Variants in PCDH15 observed in about 807,000 individuals in gnomAD.
The protein encoded by PCDH15 is protocadherin related 15, also known as protocadherin-15.
In PCDH15, 129 loss-of-function variants were observed where a neutral mutation model predicts 178.5. The ratio of observed to expected loss-of-function variants is 0.72; its 90% confidence interval spans 0.63 to 0.84. The LOEUF is 0.84. Ranked by LOEUF, PCDH15 falls within the 40% of genes least tolerant of loss-of-function variation. The pLI, the probability that PCDH15 is intolerant of heterozygous loss-of-function variation, is 0.00. For missense variants in PCDH15, 2,230 were observed against 2,099.9 expected (o/e 1.06, Z -1.21); for synonymous variants, 800 against 732.0 (o/e 1.09, Z -1.50).
intron 1 of PCDH15, among the ~76,000 whole-genome samples, chr10:55,230,076 G>A (rs1007764813): frequency 1.1e-4 from 16 of 152,076 alleles, no homozygotes; most frequent in South Asian, 6.2e-4. Flanking sequence ...TAGCATAGTG[G>A]AGCTAAGTAT....
chr10:54,607,851 T>C (rs1045811087), intron 2 of PCDH15: 4 of 528,786 alleles, frequency 7.6e-6, no homozygotes, highest in South Asian at 2.8e-5. Context: ...AGGCCTACTG[T>C]GAGCAAGACA....
At chr10:55,205,076 C>A (rs1247489718) in intron 1 of PCDH15, among the ~76,000 whole-genome samples, 1 of 151,850 alleles carries the variant, frequency 6.6e-6, no homozygotes, top group African/African-American at 2.4e-5. Context: ...ATCTTACTTC[C>A]AAGCAAGCCA....
chr10:55,158,590 G>C (rs747535941), intron 2 of PCDH15, among the ~76,000 whole-genome samples: 1 of 86,340 alleles, frequency 1.2e-5, no homozygotes, highest in Non-Finnish European at 2.8e-5. Context: ...TAACTGACAG[G>C]CTTTCAGAGG....
intron 2 of PCDH15, among the ~76,000 whole-genome samples, chr10:55,456,220 T>A (rs1028339621): frequency 6.6e-6 from 1 of 152,046 alleles, no homozygotes; most frequent in Non-Finnish European, 1.5e-5. Flanking sequence ...ATGACGTGTG[T>A]GCTTATAAGT....
chr10:54,392,814 G>A (rs919449639), intron 3 of PCDH15, among the ~76,000 whole-genome samples: 2 of 150,470 alleles, frequency 1.3e-5, no homozygotes, highest in East Asian at 2.0e-4. Flanking sequence ...CAGAAAAATC[G>A]CTTGAACCCT....
chr10:54,307,030 G>A (rs12770548), intron 8 of PCDH15, among the ~76,000 whole-genome samples: 7,232 of 26,986 alleles, frequency 0.27, 718 homozygotes, highest in African/African-American at 0.32. Context: ...ATATATATAT[G>A]TGTGTGTGTG....
At chr10:55,104,842 CATG>C (rs1842640968) in intron 2 of PCDH15, among the ~76,000 whole-genome samples, 1 of 152,166 alleles carries the variant, frequency 6.6e-6, no homozygotes, top group African/African-American at 2.4e-5. Context: ...CTGCACTAAA[CATG>C]ATGAACAATA....
intron 2 of PCDH15, among the ~76,000 whole-genome samples, chr10:55,067,668 T>C (rs1227197857): frequency 6.7e-6 from 1 of 150,022 alleles, no homozygotes; most frequent in African/African-American, 2.5e-5. Context: ...ACTTCCATGC[T>C]GCTTTCTATG....
intron 2 of PCDH15, among the ~76,000 whole-genome samples, chr10:55,093,675 C>A (rs1842373509): frequency 6.6e-6 from 1 of 151,868 alleles, no homozygotes; most frequent in Admixed American, 6.6e-5. Flanking sequence ...AGAAGGGATC[C>A]AGTTTCAACA....
chr10:55,366,676 G>A (rs1845368821), intron 2 of PCDH15, among the ~76,000 whole-genome samples: 2 of 152,226 alleles, frequency 1.3e-5, no homozygotes, highest in Admixed American at 6.5e-5. Flanking sequence ...TGTTCACTAA[G>A]TTCTGACAAA....
At chr10:53,943,662 C>T (rs541608259) in intron 23 of PCDH15, among the ~76,000 whole-genome samples, 7 of 152,052 alleles carry the variant, frequency 4.6e-5, no homozygotes, top group Non-Finnish European at 1.0e-4. Context: ...CTATGCATAC[C>T]ACTAAAAGCA....
At chr10:54,242,187 T>TATATATAC (rs1554854543) in intron 8 of PCDH15, among the ~76,000 whole-genome samples, 1 of 76,800 alleles carries the variant, frequency 1.3e-5, no homozygotes, top group Non-Finnish European at 2.5e-5. Flanking sequence ...TATATATATA[T>TATATATAC]ACACACACAC....
At chr10:55,279,257 T>C (rs1177200246) in intron 1 of PCDH15, among the ~76,000 whole-genome samples, 1 of 152,160 alleles carries the variant, frequency 6.6e-6, no homozygotes, top group Non-Finnish European at 1.5e-5. Context: ...CTAATTGATA[T>C]GCGATCTCTG....
At chr10:54,620,705 G>C (rs1221283250) in intron 2 of PCDH15, among the ~76,000 whole-genome samples, 1 of 151,944 alleles carries the variant, frequency 6.6e-6, no homozygotes, top group East Asian at 1.9e-4. Context: ...AACTTTTACT[G>C]TAAAACTCTA....
intron 37 of PCDH15, chr10:53,808,399 C>T (rs2075737717): frequency 9.3e-7 from 1 of 1,080,752 alleles, no homozygotes; most frequent in Non-Finnish European, 1.1e-6. Context: ...TACATAATGC[C>T]ACATTGCATT....
chr10:54,330,106 A>G (rs926554352), intron 6 of PCDH15, among the ~76,000 whole-genome samples: 2 of 151,916 alleles, frequency 1.3e-5, no homozygotes, highest in Admixed American at 1.3e-4. Flanking sequence ...CATAGTATCA[A>G]TTGTCAACAT....
chr10:55,104,412 T>G (rs962724605), intron 2 of PCDH15, among the ~76,000 whole-genome samples: 27 of 152,262 alleles, frequency 1.8e-4, no homozygotes, highest in Non-Finnish European at 3.2e-4. Flanking sequence ...TTCTCAAGCT[T>G]TAGATTTTTC....
intron 2 of PCDH15, among the ~76,000 whole-genome samples, chr10:54,556,588 T>C (rs1229831435): frequency 1.3e-5 from 2 of 152,082 alleles, no homozygotes; most frequent in Admixed American, 6.6e-5. Flanking sequence ...CTTTTTTTTT[T>C]TCTAAAACTG....
intron 10 of PCDH15, among the ~76,000 whole-genome samples, chr10:54,199,712 C>T (rs893626426): frequency 6.6e-6 from 1 of 151,648 alleles, no homozygotes; most frequent in African/African-American, 2.4e-5. Flanking sequence ...CCCTGAAATC[C>T]GTGGTGGATG....
Sources: gnomAD v4.1 joint callset for allele counts (sites outside exome capture counted in the v4.1 genomes callset) on GRCh38, gnomAD v4.1.1 for gene constraint, MANE v1.5 for transcripts, NCBI Gene and HGNC (gene_info 2026-07-23, HGNC 2026-07-21) for gene names.